The following DAB1 variants were observed in gnomAD, a reference collection of about 807,000 sequenced individuals.
The protein encoded by DAB1 is disabled homolog 1.
In DAB1, 15 loss-of-function variants were observed where a neutral mutation model predicts 64.6. The ratio of observed to expected loss-of-function variants is 0.23; its 90% CI spans 0.16 to 0.36. The LOEUF (loss-of-function observed/expected upper bound fraction) is 0.36. Ranked by LOEUF, DAB1 falls within the 10% of genes least tolerant of loss-of-function variation. The pLI is 1.00. For synonymous variants in DAB1, 235 were observed against 251.9 expected (o/e 0.93, Z 0.64); for missense variants, 596 against 706.7 (o/e 0.84, Z 1.78).
chr1:57,285,346 G>A (rs1672229515), intron 2 of DAB1, among the ~76,000 whole-genome samples: 2 of 152,080 alleles, frequency 1.3e-5, no homozygotes, highest in Admixed American at 1.3e-4. Context: ...TCAGCTCACT[G>A]CAACCTCTGC....
At chr1:58,247,209 C>G (rs1660580030) in intron 4 of DAB1, among the ~76,000 whole-genome samples, 1 of 151,652 alleles carries the variant, frequency 6.6e-6, no homozygotes, top group Non-Finnish European at 1.5e-5. Flanking sequence ...TTTGTCATCA[C>G]TGCTACTTCT....
At chr1:57,071,386 C>G in intron 6 of DAB1, 136 bp downstream of exon 6, 1 of 1,031,222 alleles carries the variant, frequency 9.7e-7, no homozygotes, top group Non-Finnish European at 1.4e-6. Flanking sequence ...TGCTTTGGGT[C>G]CTGTAATTTA....
intron 7 of DAB1, among the ~76,000 whole-genome samples, chr1:57,451,330 T>C (rs919417995): frequency 6.6e-6 from 1 of 152,220 alleles, no homozygotes; most frequent in Admixed American, 6.5e-5. Context: ...GAACTTAAGT[T>C]TCTAAGGCAC....
At chr1:57,682,740 GT>G (rs1646650558) in intron 6 of DAB1, among the ~76,000 whole-genome samples, 1 of 152,150 alleles carries the variant, frequency 6.6e-6, no homozygotes, top group African/African-American at 2.4e-5. Context: ...AGGAGCTTTT[GT>G]GTGGGGGGAA....
Position 58,230,062 on chromosome 1 carries a change from G to A in DAB1, n.310-79474C>T, listed in dbSNP as rs1455032377. ...CCCTACATCACGCCATTGCTCCTAC[G>A]TCCTTTCCATGGCTCCCTTACTATG... is the stretch of plus-strand genomic sequence containing the variant. On this transcript the variant is annotated intron_variant and non_coding_transcript_variant, in intron 4 of 20. Transcript: ENST00000485760. Among the ~76,000 whole-genome samples, 6 of 152,030 alleles carry A rather than the reference G, an allele frequency of 3.9e-5. 1 individual carries two copies. The East Asian group carries it at 9.7e-4, about 24-fold the overall frequency.
chr1:57,402,165 C>G (rs1302318029), intron 1 of DAB1, among the ~76,000 whole-genome samples: 1 of 152,136 alleles, frequency 6.6e-6, no homozygotes, highest in Non-Finnish European at 1.5e-5. Flanking sequence ...AGGTCAATCT[C>G]ATCTTGTAGT....
intron 3 of DAB1, among the ~76,000 whole-genome samples, chr1:58,452,431 G>A (rs910037315): frequency 2.6e-5 from 4 of 151,760 alleles, no homozygotes; most frequent in South Asian, 2.1e-4. Flanking sequence ...ACATGTTCAC[G>A]ATGATGTGGG....
intron 6 of DAB1, among the ~76,000 whole-genome samples, chr1:57,723,635 G>A (rs1435082904): frequency 2.0e-5 from 3 of 152,176 alleles, no homozygotes; most frequent in Admixed American, 6.5e-5. Flanking sequence ...AGTCATCAAA[G>A]CAGTTTTGTT....
At chr1:58,034,802 C>T (rs931642818) in intron 5 of DAB1, among the ~76,000 whole-genome samples, 3 of 152,142 alleles carry the variant, frequency 2.0e-5, no homozygotes, top group Non-Finnish European at 2.9e-5. Context: ...GCCACCTACC[C>T]TCTTCCCCCT....
intron 6 of DAB1, among the ~76,000 whole-genome samples, chr1:57,659,754 A>T (rs1646363603): frequency 6.6e-6 from 1 of 152,068 alleles, no homozygotes; most frequent in Non-Finnish European, 1.5e-5. Flanking sequence ...AGGTGGGCAG[A>T]TGGCTTGAGG....
chr1:57,553,434 GAA>G (rs1376950160), intron 7 of DAB1, among the ~76,000 whole-genome samples: 170 of 15,472 alleles, frequency 0.011, 1 homozygote, highest in South Asian at 0.071. Context: ...AAGAAAGAAA[GAA>G]AGAAAGAGAA....
chr1:58,072,597 G>A (rs966458909), intron 5 of DAB1, among the ~76,000 whole-genome samples: 6 of 150,962 alleles, frequency 4.0e-5, no homozygotes, highest in African/African-American at 9.8e-5. Context: ...GTCTGATTCC[G>A]AAGAACAAAC....
chr1:58,289,529 T>C (rs1349065414), intron 4 of DAB1, among the ~76,000 whole-genome samples: 1 of 152,220 alleles, frequency 6.6e-6, no homozygotes, highest in South Asian at 2.1e-4. Flanking sequence ...GTTTAGACTT[T>C]CATGGACTTG....
intron 1 of DAB1, among the ~76,000 whole-genome samples, chr1:58,541,258 CATTCCAGCCTGGGCAA>C (rs1646604856): frequency 1.9e-5 from 2 of 108,008 alleles, no homozygotes; most frequent in African/African-American, 7.3e-5. Context: ...GACGCCACTG[CATTCCAGCCTGGGCAA>C]CAGAGTGAGA....
At chr1:57,132,561 A>C (rs1263016823) in intron 4 of DAB1, among the ~76,000 whole-genome samples, 1 of 152,188 alleles carries the variant, frequency 6.6e-6, no homozygotes, top group Non-Finnish European at 1.5e-5. Flanking sequence ...CTCAAAGGAA[A>C]TGCTCATTGG....
chr1:57,521,196 T>C (rs1198568589), intron 7 of DAB1, among the ~76,000 whole-genome samples: 2 of 152,206 alleles, frequency 1.3e-5, no homozygotes, highest in Non-Finnish European at 2.9e-5. Context: ...ACAGCTGCCA[T>C]ATCCTCTGGA....
At chr1:58,490,396 A>AG (rs550265400) in intron 3 of DAB1, among the ~76,000 whole-genome samples, 175 of 152,250 alleles carry the variant, frequency 1.1e-3, no homozygotes, top group African/African-American at 4.0e-3. Context: ...TAGAGAAAAA[A>AG]GAATAAAAAG....
chr1:57,346,348 G>C (rs971774976), intron 1 of DAB1, among the ~76,000 whole-genome samples: 1 of 152,206 alleles, frequency 6.6e-6, no homozygotes, highest in Admixed American at 6.5e-5. Flanking sequence ...TCCTCAAAGA[G>C]ATTTTGATGT....
intron 4 of DAB1, among the ~76,000 whole-genome samples, chr1:57,133,157 A>G (rs1657780972): frequency 6.6e-6 from 1 of 152,232 alleles, no homozygotes; most frequent in Admixed American, 6.5e-5. Context: ...ATGAATAAGC[A>G]AAATTCACGT....
Sources: gnomAD v4.1 joint callset for allele counts (sites outside exome capture counted in the v4.1 genomes callset) on GRCh38, gnomAD v4.1.1 for gene constraint, MANE v1.5 for transcripts, NCBI Gene and HGNC (gene_info 2026-07-23, HGNC 2026-07-21) for gene names.